Variants in MIPOL1 observed in about 807,000 individuals in gnomAD.
The protein encoded by MIPOL1 is mirror-image polydactyly 1.
A neutral mutation model predicts 60.9 loss-of-function variants in MIPOL1; 57 were observed. The ratio of observed to expected loss-of-function variants is 0.94; its 90% CI spans 0.76 to 1.17. The LOEUF (loss-of-function observed/expected upper bound fraction) is 1.17, where lower values mean the gene tolerates loss of function less well. MIPOL1 is among the 50% of genes most tolerant of loss of function. The pLI is 0.00. For synonymous variants in MIPOL1, 179 were observed against 168.8 expected (o/e 1.06, Z -0.47); for missense variants, 551 against 511.6 (o/e 1.08, Z -0.74).
chr14:37,446,901 G>A (rs866121496), intron 11 of MIPOL1, among the ~76,000 whole-genome samples: 12 of 151,278 alleles, frequency 7.9e-5, no homozygotes, highest in South Asian at 2.1e-4. Context: ...AGGAAGGGGA[G>A]CATCACACTC....
intron 10 of MIPOL1, among the ~76,000 whole-genome samples, chr14:37,418,979 G>T (rs2093821107): frequency 6.6e-6 from 1 of 151,954 alleles, no homozygotes; most frequent in African/African-American, 2.4e-5. Flanking sequence ...ACAGGACTCA[G>T]CAATTTCACT....
chr14:37,332,677 A>T (rs1279877480), intron 9 of MIPOL1, among the ~76,000 whole-genome samples: 12 of 125,012 alleles, frequency 9.6e-5, no homozygotes, highest in Non-Finnish European at 1.5e-4. Context: ...TGATTATAGG[A>T]TGAATTATCC....
At chr14:37,404,136 T>G (rs1309257478) in intron 10 of MIPOL1, among the ~76,000 whole-genome samples, 2 of 152,212 alleles carry the variant, frequency 1.3e-5, no homozygotes, top group African/African-American at 4.8e-5. Context: ...TCCTCATAAT[T>G]AGAAACTTGA....
Position 37,301,087 on chromosome 14 carries a change from G to A in MIPOL1, c.624-6969G>A. Among the ~76,000 whole-genome samples the A allele has an allele frequency of 1.9e-4, 2 of 10,556 alleles. 1 individual carries two copies. The highest frequency in any genetic ancestry group is 0.11 in the Middle Eastern group (2 of 18). The allele number at this position is 10,556 out of a possible 152,430, so 6.9% of individuals were successfully genotyped here. ...TAGTAGTATCTTATACTATATATATGTGTGTGTATATGTATATGTGTGTGT... is the reference window on the plus strand; with the variant it reads ...TAGTAGTATCTTATACTATATATATATGTGTGTATATGTATATGTGTGTGT... On this transcript the variant is annotated intron_variant, in intron 7 of 12. Coordinates refer to ENST00000684589, the MANE Select transcript of MIPOL1 (RefSeq NM_001388067.1).
rs760452479 is a variant in MIPOL1, at chr14:37,372,130, G to A, written c.936+2506G>A. On this transcript the variant is annotated intron_variant, in intron 10 of 12. Transcript: ENST00000684589. The stretch of plus-strand genomic sequence containing the variant: ...AATATCACTATTAAATTCAACTTGA[G>A]TAGGGTAAAAACTGAGCAATTCATG... 1.4e-4 allele frequency among the ~76,000 whole-genome samples: 22 copies of A among 151,928 alleles called. No homozygotes were observed. The South Asian group carries it at 1.7e-3, about 11-fold the overall frequency.
chr14:37,289,429 G>A (rs2084861456), intron 7 of MIPOL1, among the ~76,000 whole-genome samples: 1 of 152,200 alleles, frequency 6.6e-6, no homozygotes, highest in African/African-American at 2.4e-5. Flanking sequence ...CCAGGCCTCT[G>A]AAACTTCTAA....
At position 37,270,512 on chromosome 14, in the gene MIPOL1, T is replaced by C; in HGVS notation, c.480T>C (p.Ala160=). Residue 160 remains alanine (A), a synonymous_variant, in exon 6 of 13, where the codon GCT becomes GCC. Transcript: ENST00000684589. ...AGAAAGAAACAGAAGCTAAAATTGC[T>C]GAAAAGACAGCAGGTATAGTAGAGG... ...LQEKETEAKI[A]EKTAALVEEV... 6.3e-7 allele frequency: 1 copy of C among 1,591,932 alleles called. No homozygotes were observed. Among genetic ancestry groups the C allele is most frequent in the Non-Finnish European group, 8.6e-7 (1 of 1,166,794 alleles).
At chr14:37,465,801 TA>T (rs1301797053) in intron 11 of MIPOL1, among the ~76,000 whole-genome samples, 1 of 152,066 alleles carries the variant, frequency 6.6e-6, no homozygotes, top group Non-Finnish European at 1.5e-5. Flanking sequence ...AGAATAATAA[TA>T]AAAAGTACTA....
chr14:37,446,155 A>C (rs934880651), intron 11 of MIPOL1, among the ~76,000 whole-genome samples: 67 of 152,318 alleles, frequency 4.4e-4, no homozygotes, highest in African/African-American at 1.6e-3. Flanking sequence ...AATGGGAGAA[A>C]ATTTTTGCAA....
chr14:37,384,520 TA>T (rs1311471038), intron 10 of MIPOL1, among the ~76,000 whole-genome samples: 1 of 151,738 alleles, frequency 6.6e-6, no homozygotes, highest in East Asian at 1.9e-4. Context: ...ACCAGTTTTT[TA>T]AAAAAAATTA....
rs1026542900 is a variant in MIPOL1, at chr14:37,550,298, T to C, written c.*3327T>C. The C allele has an allele frequency of 1.3e-4, 19 of 151,408 alleles. No homozygotes were observed. Among genetic ancestry groups the C allele is most frequent in the Admixed American group, 1.1e-3 (16 of 15,212 alleles). 9.4% of individuals were successfully genotyped at this position (151,408 alleles called of 1,614,324 possible). On this transcript the variant is annotated 3_prime_UTR_variant, in exon 13 of 13. Transcript: ENST00000684589. ...GTAGAAAAACATTTTATATGTACTA[T>C]TCTTAAAGATCACAATTATTTTTAA...
chr14:37,497,884 A>T (rs1313053264), intron 11 of MIPOL1, among the ~76,000 whole-genome samples: 1 of 152,212 alleles, frequency 6.6e-6, no homozygotes, highest in Admixed American at 6.6e-5. Context: ...CTAAATCAGC[A>T]TCTATTATCA....
chr14:37,348,828 GTTTTTTTTTT>G (rs10712008), intron 9 of MIPOL1, among the ~76,000 whole-genome samples: 28 of 113,080 alleles, frequency 2.5e-4, no homozygotes, highest in African/African-American at 8.6e-4. Flanking sequence ...TCCTTTTTTT[GTTTTTTTTTT>G]TTTTTTTTGG....
chr14:37,297,317 A>T (rs1434346154), intron 7 of MIPOL1, among the ~76,000 whole-genome samples: 1 of 152,212 alleles, frequency 6.6e-6, no homozygotes, highest in Non-Finnish European at 1.5e-5. Context: ...AAATAATAAG[A>T]GCTATGTATG....
chr14:37,426,615 AATATGTAT>A (rs1177419001), intron 11 of MIPOL1, among the ~76,000 whole-genome samples: 2 of 140,046 alleles, frequency 1.4e-5, no homozygotes, highest in African/African-American at 5.3e-5. Flanking sequence ...ATACATATAT[AATATGTAT>A]ATATGTATAT....
intron 9 of MIPOL1, among the ~76,000 whole-genome samples, chr14:37,349,092 G>A (rs550604356): frequency 3.4e-5 from 5 of 145,882 alleles, no homozygotes; most frequent in Admixed American, 2.9e-4. Flanking sequence ...AGGTTCAAGC[G>A]ATTCTCCTGC....
chr14:37,303,733 G>T (rs146364209), intron 7 of MIPOL1, among the ~76,000 whole-genome samples: 93 of 151,924 alleles, frequency 6.1e-4, no homozygotes, highest in African/African-American at 2.1e-3. Context: ...ACTATACTGT[G>T]TCAGGTACAG....
In MIPOL1 at chr14:37,522,190, G is replaced by A. The variant is rs144237194; in HGVS notation, c.1262+22052G>A. 8.8e-3 allele frequency among the ~76,000 whole-genome samples: 1,332 copies of A among 152,076 alleles called. 5 individuals are homozygous for A. Among genetic ancestry groups the A allele is most frequent in the Non-Finnish European group, 0.014 (955 of 67,954 alleles). ...TGCAAAAGTCAAATTATCTGAGTTA[G>A]CTAAATTCAGATACAGTATTGAAAG... On this transcript the variant is annotated intron_variant, in intron 12 of 12. Coordinates refer to ENST00000684589, the MANE Select transcript of MIPOL1 (RefSeq NM_001388067.1).
At chr14:37,241,727 AC>A in intron 1 of MIPOL1, among the ~76,000 whole-genome samples, 1 of 152,286 alleles carries the variant, frequency 6.6e-6, no homozygotes, top group Middle Eastern at 3.4e-3. Flanking sequence ...ATAATACAAA[AC>A]AATTTATTTT....
Sources: gnomAD v4.1 joint callset for allele counts (sites outside exome capture counted in the v4.1 genomes callset) on GRCh38, gnomAD v4.1.1 for gene constraint, MANE v1.5 for transcripts, NCBI Gene and HGNC (gene_info 2026-07-23, HGNC 2026-07-21) for gene names.